Variants in ADAMTS17 observed in about 807,000 individuals in gnomAD.
The protein encoded by ADAMTS17 is A disintegrin and metalloproteinase with thrombospondin motifs 17.
Under a neutral mutation model 141.5 loss-of-function variants are expected in ADAMTS17, and 113 were observed. The observed-to-expected ratio is 0.80, with a 90% CI of 0.69 to 0.93. The LOEUF is 0.93. Ranked by LOEUF, ADAMTS17 falls within the 40% of genes least tolerant of loss-of-function variation. The pLI is 0.00. For synonymous variants in ADAMTS17, 768 were observed against 630.6 expected (o/e 1.22, Z -3.27); for missense variants, 1,659 against 1,517.9 (o/e 1.09, Z -1.54).
chr15:100,009,234 G>A (rs1197190279), intron 18 of ADAMTS17, among the ~76,000 whole-genome samples: 1 of 152,190 alleles, frequency 6.6e-6, no homozygotes, highest in Non-Finnish European at 1.5e-5. Context: ...TTTACAGAGG[G>A]AGAAAACAAC....
chr15:100,280,948 C>T (rs2044259486), intron 4 of ADAMTS17, among the ~76,000 whole-genome samples: 1 of 152,160 alleles, frequency 6.6e-6, no homozygotes, highest in Admixed American at 6.5e-5. Context: ...GGGTCTTATA[C>T]TTTTGGGAAG....
intron 3 of ADAMTS17, among the ~76,000 whole-genome samples, chr15:100,297,529 G>A (rs536773869): frequency 6.6e-6 from 1 of 152,136 alleles, no homozygotes; most frequent in African/African-American, 2.4e-5. Context: ...ACAATACTGG[G>A]GCTATTTGGA....
At chr15:100,210,650 A>C (rs1181022269) in intron 7 of ADAMTS17, among the ~76,000 whole-genome samples, 1 of 152,224 alleles carries the variant, frequency 6.6e-6, no homozygotes, top group African/African-American at 2.4e-5. Flanking sequence ...TGAAAATTCT[A>C]ATCAGTCACC....
At chr15:100,192,974 C>T (rs748716920) in intron 8 of ADAMTS17, among the ~76,000 whole-genome samples, 31 of 152,202 alleles carry the variant, frequency 2.0e-4, no homozygotes, top group Non-Finnish European at 3.8e-4. Context: ...CAGGCAAGCA[C>T]GTGCCTAGTC....
intron 3 of ADAMTS17, among the ~76,000 whole-genome samples, chr15:100,297,694 G>T (rs1441057343): frequency 6.6e-6 from 1 of 152,158 alleles, no homozygotes; most frequent in Non-Finnish European, 1.5e-5. Flanking sequence ...AAGCATCCAG[G>T]TGGAGATGTC....
intron 8 of ADAMTS17, among the ~76,000 whole-genome samples, chr15:100,167,112 A>G (rs2039980210): frequency 6.6e-6 from 1 of 152,246 alleles, no homozygotes. Context: ...ATTAAGAGAA[A>G]TTTAAATAGG....
At chr15:100,005,804 T>A (rs1184416085) in intron 18 of ADAMTS17, among the ~76,000 whole-genome samples, 1 of 152,160 alleles carries the variant, frequency 6.6e-6, no homozygotes, top group Non-Finnish European at 1.5e-5. Flanking sequence ...TCCCTCACAG[T>A]TTTGGAGGCC....
intron 10 of ADAMTS17, among the ~76,000 whole-genome samples, chr15:100,140,296 G>C (rs918721323): frequency 3.3e-5 from 5 of 151,972 alleles, no homozygotes; most frequent in African/African-American, 9.7e-5. Flanking sequence ...GTGCCTGGCC[G>C]TGTAAGATGT....
intron 8 of ADAMTS17, among the ~76,000 whole-genome samples, chr15:100,175,283 G>A (rs1026210110): frequency 1.3e-5 from 2 of 152,222 alleles, no homozygotes; most frequent in African/African-American, 4.8e-5. Context: ...CAACAGAGCA[G>A]AGACTAATTG....
At chr15:100,177,050 TAAG>T (rs1245194687) in intron 8 of ADAMTS17, among the ~76,000 whole-genome samples, 5 of 152,238 alleles carry the variant, frequency 3.3e-5, no homozygotes, top group African/African-American at 7.2e-5. Context: ...TTTGAGCTAT[TAAG>T]AAGAATAGAG....
chr15:100,218,373 A>AG (rs1369042509), intron 7 of ADAMTS17, among the ~76,000 whole-genome samples: 6 of 152,238 alleles, frequency 3.9e-5, no homozygotes, highest in African/African-American at 1.4e-4. Context: ...CAGCAAAAAA[A>AG]ATTATTCCAA....
intron 13 of ADAMTS17, among the ~76,000 whole-genome samples, chr15:100,116,535 G>A (rs972758711): frequency 2.6e-5 from 4 of 152,244 alleles, no homozygotes; most frequent in Non-Finnish European, 5.9e-5. Context: ...TCCTCAGCTC[G>A]TCCTGGGTCC....
At chr15:100,195,202 C>CAGCA (rs1369155800) in intron 8 of ADAMTS17, among the ~76,000 whole-genome samples, 8 of 152,236 alleles carry the variant, frequency 5.3e-5, no homozygotes, top group Admixed American at 3.9e-4. Context: ...TGCCTCCAGG[C>CAGCA]AGCAGCAAGG....
intron 15 of ADAMTS17, among the ~76,000 whole-genome samples, chr15:100,096,135 T>G (rs1045687441): frequency 6.6e-6 from 1 of 152,206 alleles, no homozygotes; most frequent in Non-Finnish European, 1.5e-5. Flanking sequence ...AGTGGGGAGC[T>G]GTTTCCGTTC....
At chr15:100,067,724 A>T (rs1013512706) in intron 15 of ADAMTS17, among the ~76,000 whole-genome samples, 1 of 151,994 alleles carries the variant, frequency 6.6e-6, no homozygotes, top group East Asian at 1.9e-4. Flanking sequence ...CCTACCTTTT[A>T]TCTTTTAACC....
At chr15:100,074,002 C>T (rs1416205178) in intron 15 of ADAMTS17, 3 of 152,122 alleles carry the variant, frequency 2.0e-5, no homozygotes, top group Admixed American at 2.0e-4. Flanking sequence ...AAGGTTAATT[C>T]TCTTAGGTTT....
At chr15:100,146,265 T>C (rs1421763122) in intron 10 of ADAMTS17, among the ~76,000 whole-genome samples, 1 of 152,214 alleles carries the variant, frequency 6.6e-6, no homozygotes, top group Non-Finnish European at 1.5e-5. Context: ...GGACCCCAAA[T>C]GGAGGGACCG....
intron 15 of ADAMTS17, among the ~76,000 whole-genome samples, chr15:100,086,463 C>T (rs932756683): frequency 2.2e-4 from 33 of 152,000 alleles, no homozygotes; most frequent in Non-Finnish European, 4.4e-4. Flanking sequence ...CAAGGATATC[C>T]AGGAATTGAA....
chr15:100,128,462 G>A (rs149979936), intron 12 of ADAMTS17: 1 of 152,242 alleles, frequency 6.6e-6, no homozygotes, highest in East Asian at 1.9e-4. Flanking sequence ...ATGCATCAAT[G>A]ACTAACAATC....
Sources: allele counts gnomAD v4.1 joint callset (sites outside exome capture counted in the v4.1 genomes callset), GRCh38; gene constraint gnomAD v4.1.1; transcripts MANE v1.5; gene names NCBI Gene and HGNC (gene_info 2026-07-23, HGNC 2026-07-21).